Variants in RGS6 observed in about 807,000 individuals in gnomAD.
The protein encoded by RGS6 is regulator of G protein signaling 6.
A neutral mutation model predicts 78.5 loss-of-function variants in RGS6; 30 were observed. The observed-to-expected ratio is 0.38, with a 90% CI of 0.29 to 0.52. The LOEUF is 0.52. Ranked by LOEUF, RGS6 falls within the 20% of genes least tolerant of loss-of-function variation. The pLI, the probability that RGS6 is intolerant of heterozygous loss-of-function variation, is 0.85. For missense variants in RGS6, 495 were observed against 609.7 expected, an observed-to-expected ratio of 0.81 and a Z score of 1.98; for synonymous variants, 206 against 206.0, an observed-to-expected ratio of 1.00 and a Z score of 0.00.
At chr14:71,867,744 G>A in the RGS6 span, among the ~76,000 whole-genome samples, 6 of 152,252 alleles carry the variant, frequency 3.9e-5, 1 homozygote, top group East Asian at 1.2e-3. Flanking sequence ...TATTCCTAGA[G>A]GTACAGAAAA....
At chr14:71,942,690 C>T (rs367731801) in intron 1 of RGS6, among the ~76,000 whole-genome samples, 25 of 152,294 alleles carry the variant, frequency 1.6e-4, no homozygotes, top group African/African-American at 5.5e-4. Flanking sequence ...TTCTAGCTGG[C>T]TGAAATACCC....
intron 14 of RGS6, 74 bp downstream of exon 14, chr14:72,510,353 C>G (rs2096863522): frequency 1.3e-6 from 2 of 1,570,786 alleles, no homozygotes; most frequent in African/African-American, 1.4e-5. Flanking sequence ...CTCCATCTCT[C>G]TCTCTCTCAA....
At chr14:72,485,137 CAG>C (rs2096464638) in intron 12 of RGS6, among the ~76,000 whole-genome samples, 2 of 152,064 alleles carry the variant, frequency 1.3e-5, no homozygotes, top group Admixed American at 1.3e-4. Context: ...ATATACCAAT[CAG>C]GAGTCAGGGA....
chr14:72,134,310 C>G (rs1449596102), intron 2 of RGS6, among the ~76,000 whole-genome samples: 1 of 152,210 alleles, frequency 6.6e-6, no homozygotes, highest in African/African-American at 2.4e-5. Context: ...GTTCATAACT[C>G]TCTTTCATAT....
chr14:72,128,947 T>C (rs773977461), intron 2 of RGS6, among the ~76,000 whole-genome samples: 2 of 152,222 alleles, frequency 1.3e-5, no homozygotes, highest in East Asian at 1.9e-4. Context: ...AGAATGTCTG[T>C]AGTCAGTCAC....
At chr14:72,126,543 C>G (rs890472416) in intron 2 of RGS6, among the ~76,000 whole-genome samples, 1 of 152,242 alleles carries the variant, frequency 6.6e-6, no homozygotes, top group Admixed American at 6.5e-5. Flanking sequence ...CCATGCCCTG[C>G]TGGCTAGTCC....
intron 3 of RGS6, among the ~76,000 whole-genome samples, chr14:72,438,628 G>T (rs1478939932): frequency 6.6e-6 from 1 of 152,166 alleles, no homozygotes; most frequent in Non-Finnish European, 1.5e-5. Context: ...AGGACCAGGA[G>T]CCTTGCCTCC....
intron 2 of RGS6, among the ~76,000 whole-genome samples, chr14:72,231,889 G>T (rs569132000): frequency 6.6e-6 from 1 of 152,216 alleles, no homozygotes; most frequent in African/African-American, 2.4e-5. Context: ...AGCCATGTTG[G>T]GTGTGGTGGG....
chr14:72,172,379 T>G (rs1259490127), intron 2 of RGS6, among the ~76,000 whole-genome samples: 2 of 151,972 alleles, frequency 1.3e-5, no homozygotes, highest in African/African-American at 4.8e-5. Flanking sequence ...GTGATATTAG[T>G]TACTGTTTGG....
chr14:72,154,288 C>G (rs2096738170), intron 2 of RGS6, among the ~76,000 whole-genome samples: 4 of 152,056 alleles, frequency 2.6e-5, no homozygotes. Flanking sequence ...ATTGTTCAAA[C>G]ACACGTTTTA....
rs547691581 is a variant in RGS6 at position 72,187,157 on chromosome 14, A to G, written c.85-164938A>G. ...ATATCCCTCTGATTCAAATAGATGC[A>G]TTGATTTTTTAAAAAAATCTACAGT... On this transcript the variant is annotated intron_variant, in intron 2 of 17. Coordinates refer to ENST00000553525, the MANE Select transcript of RGS6 (RefSeq NM_001204424.2). Among the ~76,000 whole-genome samples, 54 of 152,238 alleles carry G rather than the reference A, an allele frequency of 3.5e-4. 1 individual carries two copies. The highest frequency in any genetic ancestry group is 2.1e-3 in the South Asian group (10 of 4,830).
rs555726718 is a variant in RGS6, at chr14:72,411,407, C to T, written c.185-43121C>T. Among the ~76,000 whole-genome samples the T allele has an allele frequency of 1.2e-4, 19 of 152,298 alleles. No individual in the cohort carries two copies. In the East Asian group the frequency reaches 3.5e-3, roughly 28 times the overall value. On this transcript the variant is annotated intron_variant, in intron 3 of 17. Coordinates refer to ENST00000553525, the MANE Select transcript of RGS6 (RefSeq NM_001204424.2). The stretch of plus-strand genomic sequence containing the variant: ...TATAAGAATGCTTGTGATTTTTGCA[C>T]ATTGAGTTTGTATCCTGAGACTTTG...
chr14:72,268,297 G>C (rs2059385255), intron 2 of RGS6, among the ~76,000 whole-genome samples: 1 of 152,192 alleles, frequency 6.6e-6, no homozygotes, highest in African/African-American at 2.4e-5. Context: ...TAAAGGTATG[G>C]TATTGGGAGT....
the RGS6 span, among the ~76,000 whole-genome samples, chr14:72,585,653 G>A: frequency 6.6e-6 from 1 of 152,360 alleles, no homozygotes; most frequent in East Asian, 1.9e-4. Context: ...CAAGATGGCT[G>A]TCTTCAGCCA....
intron 2 of RGS6, among the ~76,000 whole-genome samples, chr14:72,182,282 C>T (rs758573439): frequency 5.9e-5 from 9 of 151,848 alleles, no homozygotes; most frequent in South Asian, 4.2e-4. Flanking sequence ...TGGTGGCACA[C>T]GCCTGTAGTC....
chr14:72,282,299 T>G (rs1384630919), intron 2 of RGS6, among the ~76,000 whole-genome samples: 2 of 152,362 alleles, frequency 1.3e-5, no homozygotes, highest in South Asian at 4.1e-4. Flanking sequence ...AAGTACCAAG[T>G]GATAAGCGTT....
intron 2 of RGS6, among the ~76,000 whole-genome samples, chr14:72,042,106 C>G (rs2092455630): frequency 6.7e-6 from 1 of 149,140 alleles, no homozygotes; most frequent in Non-Finnish European, 1.5e-5. Context: ...TCCTCTAATA[C>G]TTTCCTTTTT....
the RGS6 span, among the ~76,000 whole-genome samples, chr14:72,593,559 G>C: frequency 6.6e-6 from 1 of 152,078 alleles, no homozygotes; most frequent in African/African-American, 2.4e-5. Flanking sequence ...TAATTTTTCT[G>C]TATTTTTAGC....
intron 2 of RGS6, among the ~76,000 whole-genome samples, chr14:72,246,705 T>C (rs527420002): frequency 3.3e-5 from 5 of 151,998 alleles, no homozygotes; most frequent in Admixed American, 2.6e-4. Flanking sequence ...AGGTCAGGAG[T>C]TCAAGGTCGG....
Sources: allele counts gnomAD v4.1 joint callset (sites outside exome capture counted in the v4.1 genomes callset), GRCh38; gene constraint gnomAD v4.1.1; transcripts MANE v1.5; gene names NCBI Gene and HGNC (gene_info 2026-07-23, HGNC 2026-07-21).